Variants in KMT2C observed in about 807,000 individuals in gnomAD.
KMT2C encodes histone-lysine N-methyltransferase 2C.
In KMT2C, 88 loss-of-function variants were observed where a neutral mutation model predicts 507.9. That is an observed-to-expected ratio of 0.17 (90% CI 0.15 to 0.21). The LOEUF is 0.21. KMT2C is among the 10% of genes least tolerant of loss of function. The pLI is 1.00. For synonymous variants in KMT2C, 2,049 were observed against 2,080.8 expected, an observed-to-expected ratio of 0.98 and a Z score of 0.42; for missense variants, 4,954 against 5,957.8, an observed-to-expected ratio of 0.83 and a Z score of 5.55.
intron 25 of KMT2C, among the ~76,000 whole-genome samples, chr7:152,204,524 G>C (rs1051290477): frequency 6.6e-6 from 1 of 152,004 alleles, no homozygotes; most frequent in Non-Finnish European, 1.5e-5. Flanking sequence ...CTGAGCTCAG[G>C]AGTGCAAGGC....
At chr7:152,258,025 GAC>G (rs2095690671) in intron 9 of KMT2C, among the ~76,000 whole-genome samples, 3 of 152,270 alleles carry the variant, frequency 2.0e-5, no homozygotes, top group Middle Eastern at 3.4e-3. Context: ...TGTATTTCCT[GAC>G]ACCACCTGCT....
intron 9 of KMT2C, among the ~76,000 whole-genome samples, chr7:152,259,030 C>A (rs986553156): frequency 6.6e-6 from 1 of 152,114 alleles, no homozygotes; most frequent in African/African-American, 2.4e-5. Flanking sequence ...TGGATCAGTA[C>A]TTTGCAGTAT....
rs2096656050 is a variant in KMT2C at position 152,309,971 on chromosome 7, T to C, written c.844A>G (p.Thr282Ala). The stretch of plus-strand genomic sequence containing the variant: ...TATTTGCTTTGTCTACTTACTTCTG[T>C]GCTCCCTGAGACAACAGCTTTGTCC... ...NVDKAVVSGS[T>A]ERCAFCKHLG... Residue 282 changes from threonine to alanine, a missense_variant, in exon 6 of 59, where the codon ACA becomes GCA. Around this residue, in one of 29 missense-constraint regions of KMT2C, gnomAD observed 24 missense variants for 82.7 expected, o/e 0.29. Transcript: ENST00000262189. 3 of 1,594,432 alleles carry C rather than the reference T, an allele frequency of 1.9e-6. No individual in the cohort carries two copies. Among genetic ancestry groups the C allele is most frequent in the Admixed American group, 1.7e-5 (1 of 59,824 alleles).
Position 152,158,952 on chromosome 7 carries a change from C to T in KMT2C, c.11581G>A (p.Ala3861Thr), listed in dbSNP as rs147946863. 1 of 1,614,210 alleles carries T rather than the reference C, an allele frequency of 6.2e-7. No individual in the cohort carries two copies. Among genetic ancestry groups the T allele is most frequent in the Non-Finnish European group, 8.5e-7 (1 of 1,180,038 alleles). ...SKRTQRTGEK[A>T]APRSKKRKKD... ...TTCCTTTTCTTTGAGCGAGGTGCTG[C>T]TTTCTCACCCGTCCTCTGAGTCCGT... is the stretch of plus-strand genomic sequence containing the variant. The change falls in exon 44 of 59, where the codon GCA (alanine) becomes ACA (threonine). Residue 3861 changes from alanine (A) to threonine (T), a missense_variant. Coordinates refer to ENST00000262189, the MANE Select transcript of KMT2C (RefSeq NM_170606.3).
At chr7:152,180,183 G>T (rs2129118538) in intron 36 of KMT2C, 57 bp from the exon 37 acceptor site, 1 of 1,566,292 alleles carries the variant, frequency 6.4e-7, no homozygotes, top group Non-Finnish European at 8.7e-7. Context: ...GCTTTTTAAA[G>T]GTTACTGGCT....
At chr7:152,425,857 G>T (rs2097811613) in intron 1 of KMT2C, among the ~76,000 whole-genome samples, 1 of 151,946 alleles carries the variant, frequency 6.6e-6, no homozygotes, top group African/African-American at 2.4e-5. Flanking sequence ...AAGGTGTAAA[G>T]ATTTAAAGTG....
intron 50 of KMT2C, among the ~76,000 whole-genome samples, 161 bp downstream of exon 50, chr7:152,151,280 TG>T (rs2091598921): frequency 6.6e-6 from 1 of 152,180 alleles, no homozygotes; most frequent in Non-Finnish European, 1.5e-5. Context: ...AGCTCTTTGG[TG>T]TTCAGCCCAA....
intron 23 of KMT2C, among the ~76,000 whole-genome samples, chr7:152,218,599 A>G (rs1181095238): frequency 3.9e-5 from 6 of 152,322 alleles, no homozygotes; most frequent in Middle Eastern, 3.4e-3. Flanking sequence ...CTCTTAAAAT[A>G]TAAATAAGAT....
At chr7:152,386,418 A>C (rs1318046964) in intron 1 of KMT2C, among the ~76,000 whole-genome samples, 2 of 152,302 alleles carry the variant, frequency 1.3e-5, no homozygotes, top group African/African-American at 4.8e-5. Context: ...ACCATCTTCC[A>C]GGAACTGTGC....
intron 2 of KMT2C, among the ~76,000 whole-genome samples, chr7:152,335,603 A>G (rs150090399): frequency 3.9e-5 from 6 of 152,312 alleles, no homozygotes; most frequent in African/African-American, 1.4e-4. Context: ...TATCTACCAT[A>G]TATGACCTCC....
intron 6 of KMT2C, among the ~76,000 whole-genome samples, chr7:152,279,085 A>T (rs1170069147): frequency 6.6e-6 from 1 of 152,204 alleles, no homozygotes; most frequent in Non-Finnish European, 1.5e-5. Context: ...TATTTTAAAA[A>T]GCAGGTATTT....
In KMT2C at chr7:152,207,410, C is replaced by A. The variant is rs774956808; in HGVS notation, c.3731G>T (p.Cys1244Phe). 6.9e-6 allele frequency: 11 copies of A among 1,600,610 alleles called. No individual in the cohort carries two copies. The highest frequency in any genetic ancestry group is 1.4e-5 in the African/African-American group (1 of 73,938). The stretch of plus-strand genomic sequence containing the variant: ...AGGACTAGATTCTGATTTTCCATCA[C>A]AATCCATAAGTTCTCCTTCTGGAAA... ...DDSREGELMD[C>F]DGKSESSPER... The change falls in exon 24 of 59, where the codon TGT becomes TTT. Residue 1244 changes from cysteine (C) to phenylalanine (F), a missense_variant. By Grantham distance (205) the Cys-to-Phe change is radical. Coordinates refer to ENST00000262189, the MANE Select transcript of KMT2C (RefSeq NM_170606.3).
chr7:152,313,582 G>A (rs2096694253), intron 4 of KMT2C, among the ~76,000 whole-genome samples: 1 of 151,992 alleles, frequency 6.6e-6, no homozygotes, highest in Non-Finnish European at 1.5e-5. Flanking sequence ...TTTATTTAGT[G>A]AAAATGAGCA....
In KMT2C at chr7:152,328,072, G is replaced by A. The variant is rs145654975; in HGVS notation, c.389+2529C>T. ...TGAACAAAGCCCACCAACAAAGTGCGTGTCTTCAGAGTTCACATGACAGTC... is the reference window on the plus strand; with the variant it reads ...TGAACAAAGCCCACCAACAAAGTGCATGTCTTCAGAGTTCACATGACAGTC... On this transcript the variant is annotated intron_variant, in intron 3 of 58. Coordinates refer to ENST00000262189, the MANE Select transcript of KMT2C (RefSeq NM_170606.3). Among the ~76,000 whole-genome samples the A allele has an allele frequency of 8.0e-4, 122 of 152,176 alleles. No homozygotes were observed. The Middle Eastern group carries it at 0.01, about 13-fold the overall frequency.
At chr7:152,410,574 T>C (rs2097671462) in intron 1 of KMT2C, among the ~76,000 whole-genome samples, 1 of 151,606 alleles carries the variant, frequency 6.6e-6, no homozygotes, top group Non-Finnish European at 1.5e-5. Flanking sequence ...CAAGACTCCA[T>C]CTCAAATAAA....
chr7:152,372,906 A>T (rs1196935616), intron 1 of KMT2C, among the ~76,000 whole-genome samples: 1 of 152,250 alleles, frequency 6.6e-6, no homozygotes, highest in Non-Finnish European at 1.5e-5. Context: ...AGCTGAATAT[A>T]CATTCTTCTT....
At chr7:152,406,303 G>A (rs2097613698) in intron 1 of KMT2C, among the ~76,000 whole-genome samples, 2 of 151,760 alleles carry the variant, frequency 1.3e-5, no homozygotes, top group African/African-American at 4.9e-5. Context: ...AAAATTAGCT[G>A]GACATGGTGG....
chr7:152,224,259 G>A (rs1199095913), intron 19 of KMT2C, 80 bp from the exon 20 acceptor site: 131 of 1,393,946 alleles, frequency 9.4e-5, no homozygotes, highest in Non-Finnish European at 2.6e-5. Flanking sequence ...AGCTACATAC[G>A]AACATAATGG....
chr7:152,281,451 G>T (rs532588912), intron 6 of KMT2C, among the ~76,000 whole-genome samples: 8 of 152,168 alleles, frequency 5.3e-5, no homozygotes, highest in Non-Finnish European at 8.8e-5. Context: ...TCCCATCTAC[G>T]CCAGGCACAG....
Sources: gnomAD v4.1 joint callset for allele counts (sites outside exome capture counted in the v4.1 genomes callset) on GRCh38, gnomAD v4.1.1 for gene constraint, gnomAD v4.1.1 regional missense constraint, MANE v1.5 for transcripts, NCBI Gene and HGNC (gene_info 2026-07-23, HGNC 2026-07-21) for gene names.